Variants in BRCA1 observed in about 807,000 individuals in gnomAD.
BRCA1 encodes the protein BRCA1 DNA repair associated.
A neutral mutation model predicts 173.7 loss-of-function variants in BRCA1; 140 were observed. That is an observed-to-expected ratio of 0.81 (90% CI 0.70 to 0.93). BRCA1 has a LOEUF of 0.93. BRCA1 is among the 40% of genes least tolerant of loss of function. The pLI, the probability that BRCA1 is intolerant of heterozygous loss-of-function variation, is 0.00. For missense variants in BRCA1, 1,983 were observed against 2,172.5 expected (o/e 0.91, Z 1.73); for synonymous variants, 662 against 756.0 (o/e 0.88, Z 2.04).
intron 2 of BRCA1, among the ~76,000 whole-genome samples, chr17:43,121,589 A>G (rs1231840047): frequency 2.7e-5 from 4 of 149,526 alleles, no homozygotes; most frequent in Non-Finnish European, 5.9e-5. Context: ...AGGCTGAGGC[A>G]GCAGAATTGC....
At chr17:43,139,617 G>A (rs1050805349) in intron 1 of BRCA1, among the ~76,000 whole-genome samples, 13 of 152,108 alleles carry the variant, frequency 8.5e-5, no homozygotes, top group Non-Finnish European at 1.2e-4. Flanking sequence ...GCCTCCCAAA[G>A]TGCTGGGATT....
At chr17:43,100,662 A>ATTT (rs1325411600) in intron 6 of BRCA1, among the ~76,000 whole-genome samples, 4 of 5,062 alleles carry the variant, frequency 7.9e-4, no homozygotes, top group Non-Finnish European at 1.3e-3. Context: ...TATAACATAT[A>ATTT]TATATATATA....
chr17:43,084,031 A>C (rs2053132243), intron 11 of BRCA1, among the ~76,000 whole-genome samples: 1 of 123,314 alleles, frequency 8.1e-6, no homozygotes, highest in Non-Finnish European at 1.7e-5. Context: ...TGCCCGACTA[A>C]TTTTTTTTTT....
chr17:43,096,499 G>C (rs927556174), intron 8 of BRCA1, among the ~76,000 whole-genome samples: 13 of 151,248 alleles, frequency 8.6e-5, no homozygotes, highest in African/African-American at 2.9e-4. Context: ...TTGAACCAGG[G>C]AGTTGGAGAT....
upstream of BRCA1, among the ~76,000 whole-genome samples, chr17:43,128,023 CAAAAAAAAA>C (rs61243891): frequency 2.1e-3 from 52 of 24,994 alleles, no homozygotes; most frequent in African/African-American, 5.0e-3. Context: ...GACTCCATCT[CAAAAAAAAA>C]AAAAAAAAAA....
chr17:43,097,849 C>G (rs1420770244), intron 7 of BRCA1, among the ~76,000 whole-genome samples: 2 of 152,118 alleles, frequency 1.3e-5, no homozygotes, highest in Non-Finnish European at 2.9e-5. Flanking sequence ...ACTACTATAA[C>G]TATTTTTACA....
chr17:43,121,699 A>G (rs1374045805), intron 2 of BRCA1, among the ~76,000 whole-genome samples: 1 of 151,296 alleles, frequency 6.6e-6, no homozygotes, highest in Admixed American at 6.6e-5. Context: ...AAAAAAAAAA[A>G]AAAAAAAAAG....
chr17:43,101,576 C>T (rs1049626403), intron 6 of BRCA1, among the ~76,000 whole-genome samples: 3 of 152,082 alleles, frequency 2.0e-5, no homozygotes, highest in African/African-American at 4.8e-5. Flanking sequence ...GATCTTGGCT[C>T]GCTGCAACCT....
chr17:43,049,754 C>A (rs2051129181), intron 20 of BRCA1, among the ~76,000 whole-genome samples: 2 of 152,178 alleles, frequency 1.3e-5, no homozygotes, highest in Non-Finnish European at 2.9e-5. Context: ...GAATAAAAAT[C>A]AGAAGAGACT....
At chr17:43,139,898 T>C (rs1370363909) in intron 1 of BRCA1, 2 of 476,452 alleles carry the variant, frequency 4.2e-6, no homozygotes, top group South Asian at 1.5e-5. Flanking sequence ...TGCACATCTT[T>C]TGTTCTAACG....
intron 18 of BRCA1, among the ~76,000 whole-genome samples, chr17:43,060,527 T>C (rs1567767002): frequency 6.6e-6 from 1 of 151,956 alleles, no homozygotes; most frequent in East Asian, 2.0e-4. Flanking sequence ...AGTCTTGCTC[T>C]GTCGTTCAGG....
chr17:43,090,828 A>G, intron 11 of BRCA1, 116 bp downstream of exon 11: 1 of 993,572 alleles, frequency 1.0e-6, no homozygotes, highest in Non-Finnish European at 1.5e-6. Context: ...AACCACAAAC[A>G]ATTGTGCCAT....
intron 1 of BRCA1, chr17:43,159,350 G>A (rs2056219336): frequency 1.2e-5 from 2 of 160,538 alleles, no homozygotes; most frequent in Non-Finnish European, 2.7e-5. Flanking sequence ...GGACGGGGCG[G>A]CTGGCCTGGC....
chr17:43,153,090 C>G (rs1007126022), intron 1 of BRCA1, among the ~76,000 whole-genome samples: 3 of 151,912 alleles, frequency 2.0e-5, no homozygotes, highest in Admixed American at 6.6e-5. Flanking sequence ...TGGTTAAGAG[C>G]GAAGGGAAGG....
intron 11 of BRCA1, among the ~76,000 whole-genome samples, chr17:43,088,368 C>CT (rs955248890): frequency 1.1e-3 from 165 of 143,536 alleles, no homozygotes; most frequent in Middle Eastern, 3.8e-3. Flanking sequence ...ATGAATTTAT[C>CT]TTTTTTTTTT....
At chr17:43,053,437 C>T (rs921529262) in intron 19 of BRCA1, among the ~76,000 whole-genome samples, 2 of 151,392 alleles carry the variant, frequency 1.3e-5, no homozygotes, top group Non-Finnish European at 2.9e-5. Context: ...CTGAGGCAGG[C>T]GGATCACGAG....
chr17:43,091,160 G>A, intron 10 of BRCA1, 128 bp from the exon 11 acceptor site: 1 of 1,019,260 alleles, frequency 9.8e-7, no homozygotes, highest in South Asian at 1.4e-5. Context: ...TAAATTCCTT[G>A]CTTTGGGACA....
intron 1 of BRCA1, chr17:43,138,402 G>T: frequency 1.8e-6 from 1 of 549,642 alleles, no homozygotes; most frequent in Admixed American, 3.1e-5. Context: ...GGGCATGGTT[G>T]TGTGTCACCT....
chr17:43,071,235 C>A lies in BRCA1; in HGVS notation c.4679G>T (p.Gly1560Val), dbSNP rs564757581. 1.9e-6 allele frequency: 3 copies of A among 1,613,884 alleles called. No homozygotes were observed. The Admixed American group carries it at 5.0e-5, about 27-fold the overall frequency. The change falls in exon 15 of 23, where the codon GGA becomes GTA. Residue 1560 changes from glycine (G) to valine (V), a missense_variant. Coordinates refer to ENST00000357654, the MANE Select transcript of BRCA1 (RefSeq NM_007294.4). ...TSYLPRQDLE[G>V]TPYLESGISL... Reference sequence around the variant, plus strand: ...GATTCCAGATTCCAGGTAAGGGGTTCCCTCTGAAAGGAATGGGAGAAGTTT... The same window carrying A: ...GATTCCAGATTCCAGGTAAGGGGTTACCTCTGAAAGGAATGGGAGAAGTTT...
Sources: allele counts gnomAD v4.1 joint callset (sites outside exome capture counted in the v4.1 genomes callset), GRCh38; gene constraint gnomAD v4.1.1; transcripts MANE v1.5; gene names NCBI Gene and HGNC (gene_info 2026-07-23, HGNC 2026-07-21).